LCOR: variants seen among roughly 807,000 people sequenced by gnomAD.
LCOR encodes ligand dependent nuclear receptor corepressor, also known as ligand-dependent corepressor.
LCOR carries 14 observed loss-of-function variants against 64.4 expected under a neutral mutation model. The ratio of observed to expected loss-of-function variants is 0.22; its 90% confidence interval spans 0.14 to 0.34. The LOEUF is 0.34. Among genes scored for constraint, LCOR ranks in the 10% least tolerant of loss-of-function variants. LCOR has a pLI of 1.00. For missense variants in LCOR, 1,686 were observed against 1,765.3 expected, an observed-to-expected ratio of 0.96 and a Z score of 0.80; for synonymous variants, 643 against 642.5, an observed-to-expected ratio of 1.00 and a Z score of -0.01.
Position 96,983,963 on chromosome 10 carries a change from C to T in LCOR, c.3503C>T (p.Ser1168Phe). ...CRSSLESQKC[S>F]PVQMLFMTNF... ...AGTTCATTGGAGAGTCAGAAGTGTT[C>T]TCCTGTTCAGATGCTCTTTATGACA... Residue 1168 changes from serine (S) to phenylalanine (F), a missense_variant, in exon 8 of 8, where the codon TCT becomes TTT. This residue lies in a region of LCOR where 1,293 missense variants were observed against 1,410.4 expected (regional missense o/e 0.92). Coordinates refer to ENST00000421806, the MANE Select transcript of LCOR (RefSeq NM_001346516.2). The surrounding 1 kb of genome is among the most constrained non-coding windows in gnomAD (Gnocchi z 4.5). The T allele has an allele frequency of 6.2e-7, 1 of 1,614,134 alleles. No homozygotes were observed. The highest frequency in any genetic ancestry group is 8.5e-7 in the Non-Finnish European group (1 of 1,180,028).
chr10:96,884,587 G>C (rs1259668482), intron 2 of LCOR, among the ~76,000 whole-genome samples: 2 of 152,130 alleles, frequency 1.3e-5, no homozygotes, highest in South Asian at 2.1e-4. Context: ...GAATCACCTG[G>C]AAAGCTTGTT....
chr10:96,861,945 T>C (rs889854725), intron 2 of LCOR, among the ~76,000 whole-genome samples: 2 of 152,228 alleles, frequency 1.3e-5, no homozygotes, highest in African/African-American at 4.8e-5. Context: ...ACAGCAATCT[T>C]AAGTCTGGGC....
At chr10:96,836,680 G>A (rs1023385043) in intron 2 of LCOR, among the ~76,000 whole-genome samples, 6 of 152,192 alleles carry the variant, frequency 3.9e-5, no homozygotes, top group Non-Finnish European at 8.8e-5. Context: ...GGACGATTTC[G>A]TGAAGAAGGT....
chr10:96,915,554 TA>T, intron 4 of LCOR: 1 of 641,904 alleles, frequency 1.6e-6, no homozygotes, highest in Admixed American at 2.2e-5. Context: ...TCTGCATTTT[TA>T]TGAAACTTGG....
At chr10:96,854,267 C>G (rs1845767475) in intron 2 of LCOR, among the ~76,000 whole-genome samples, 1 of 152,080 alleles carries the variant, frequency 6.6e-6, no homozygotes, top group Non-Finnish European at 1.5e-5. Context: ...GGCAAAGGGC[C>G]TAGTTACATG....
rs1310684859 is a variant in LCOR, at chr10:96,986,001, G to C, written c.*867G>C. Reference sequence around the variant, plus strand: ...GATTTTTTTTTTCCATCTTGTAGCTGTAATTTGATGATTAGGATGAAAATG... The same window carrying C: ...GATTTTTTTTTTCCATCTTGTAGCTCTAATTTGATGATTAGGATGAAAATG... On this transcript the variant is annotated 3_prime_UTR_variant, in exon 8 of 8. Transcript: ENST00000421806. The C allele has an allele frequency of 4.2e-5, 7 of 166,884 alleles. No homozygotes were observed. The highest frequency in any genetic ancestry group is 1.5e-5 in the Non-Finnish European group (1 of 68,088). 10.3% of individuals were successfully genotyped at this position (166,884 alleles called of 1,614,324 possible).
chr10:96,840,951 A>G lies in LCOR; in HGVS notation c.-330+7472A>G, dbSNP rs542402687. Among the ~76,000 whole-genome samples the G allele has an allele frequency of 2.6e-4, 40 of 152,254 alleles. No homozygotes were observed. In the South Asian group the frequency reaches 8.1e-3, roughly 31 times the overall value. On this transcript the variant is annotated intron_variant, in intron 2 of 7. Transcript: ENST00000421806. The stretch of plus-strand genomic sequence containing the variant: ...CCAGGAGTTGGAGACAAGCCTGGGC[A>G]ACATGGTGAAACCTTGTCTCCACAC...
intron 7 of LCOR, among the ~76,000 whole-genome samples, chr10:96,964,856 A>G (rs756930674): frequency 3.3e-5 from 5 of 151,998 alleles, no homozygotes; most frequent in Admixed American, 1.3e-4. Flanking sequence ...AATAGTGACT[A>G]TTTTTTGTTT....
chr10:96,935,139 CTTTTTTTT>C (rs34176037), intron 4 of LCOR, among the ~76,000 whole-genome samples: 222 of 65,556 alleles, frequency 3.4e-3, no homozygotes, highest in African/African-American at 0.013. Flanking sequence ...GGCTATTTTA[CTTTTTTTT>C]TTTTTTTTTT....
chr10:96,865,287 A>G (rs1239068243), intron 2 of LCOR, among the ~76,000 whole-genome samples: 1 of 152,074 alleles, frequency 6.6e-6, no homozygotes, highest in East Asian at 1.9e-4. Flanking sequence ...AAAATTAGGG[A>G]AACTGAAAAT....
At chr10:96,961,281 T>G (rs1437823758) in intron 7 of LCOR, 1 of 152,130 alleles carries the variant, frequency 6.6e-6, no homozygotes, top group African/African-American at 2.4e-5. Context: ...TGGTTTCCAG[T>G]TCATTTAGAG....
chr10:96,850,367 TAGTG>T (rs1384170500), intron 2 of LCOR, among the ~76,000 whole-genome samples: 1 of 152,096 alleles, frequency 6.6e-6, no homozygotes, highest in Non-Finnish European at 1.5e-5. Flanking sequence ...CTGGACAACA[TAGTG>T]AGACCCCATA....
intron 7 of LCOR, chr10:96,958,906 T>TAAAAAAAAAAAAAAAAAAAAAA (rs74784568): frequency 9.6e-6 from 1 of 103,890 alleles, no homozygotes; most frequent in South Asian, 2.9e-4. Flanking sequence ...AAGAAAAACT[T>TAAAAAAAAAAAAAAAAAAAAAA]AAAAAAAAAA....
chr10:96,958,186 T>C (rs1847815437), intron 7 of LCOR: 6 of 1,278,276 alleles, frequency 4.7e-6, no homozygotes, highest in Non-Finnish European at 5.9e-6. Context: ...TTTGAGAAAA[T>C]TAATTTGTGC....
At chr10:96,917,064 A>G (rs912296033) in intron 4 of LCOR, among the ~76,000 whole-genome samples, 1 of 152,244 alleles carries the variant, frequency 6.6e-6, no homozygotes, top group Non-Finnish European at 1.5e-5. Context: ...ATTTAGGATT[A>G]AAACTGCTTG....
chr10:96,927,524 TCAA>T (rs1307925774), intron 4 of LCOR, among the ~76,000 whole-genome samples: 2 of 152,076 alleles, frequency 1.3e-5, no homozygotes, highest in Non-Finnish European at 2.9e-5. Flanking sequence ...AATGTCCTGT[TCAA>T]AAAAATCTTT....
intron 2 of LCOR, among the ~76,000 whole-genome samples, chr10:96,878,503 TA>T (rs1274533347): frequency 6.6e-6 from 1 of 152,188 alleles, no homozygotes; most frequent in African/African-American, 2.4e-5. Flanking sequence ...AGGAGGACTC[TA>T]AAGTTTTTGG....
intron 2 of LCOR, among the ~76,000 whole-genome samples, chr10:96,896,253 C>T (rs1282012627): frequency 2.6e-5 from 4 of 152,052 alleles, no homozygotes; most frequent in African/African-American, 9.7e-5. Context: ...TATAGTCATA[C>T]CTTATGTCAT....
chr10:96,911,136 T>C (rs1362850300), intron 4 of LCOR, among the ~76,000 whole-genome samples: 1 of 149,690 alleles, frequency 6.7e-6, no homozygotes, highest in African/African-American at 2.5e-5. Context: ...CTTGCTCTGT[T>C]GCCCAGGCTG....
Sources: gnomAD v4.1 joint callset for allele counts (sites outside exome capture counted in the v4.1 genomes callset) on GRCh38, gnomAD v4.1.1 for gene constraint, gnomAD v4.1.1 regional missense constraint, Gnocchi (gnomAD v3.1) non-coding constraint, MANE v1.5 for transcripts, NCBI Gene and HGNC (gene_info 2026-07-23, HGNC 2026-07-21) for gene names.